MAGI2: variants seen among roughly 807,000 people sequenced by gnomAD.
The protein encoded by MAGI2 is membrane-associated guanylate kinase, WW and PDZ domain-containing protein 2.
MAGI2 carries 35 observed loss-of-function variants against 133.3 expected under a neutral mutation model. The ratio of observed to expected loss-of-function variants is 0.26; its 90% CI spans 0.20 to 0.35. The LOEUF (loss-of-function observed/expected upper bound fraction) is 0.35. Among genes scored for constraint, MAGI2 ranks in the 10% least tolerant of loss-of-function variants. The pLI is 1.00. For synonymous variants in MAGI2, 729 were observed against 710.6 expected (o/e 1.03, Z -0.41); for missense variants, 1,636 against 1,863.4 (o/e 0.88, Z 2.25).
intron 16 of MAGI2, chr7:78,158,163 CCA>C (rs1271694941): frequency 5.9e-5 from 9 of 152,076 alleles, no homozygotes; most frequent in African/African-American, 2.2e-4. Context: ...CTAGAAACTC[CCA>C]CAGTTTATAA....
chr7:79,434,052 A>G (rs920403945), intron 1 of MAGI2, among the ~76,000 whole-genome samples: 15 of 152,088 alleles, frequency 9.9e-5, no homozygotes, highest in Non-Finnish European at 2.1e-4. Context: ...TTAGTTCTCA[A>G]ATAGAACAAT....
At chr7:78,320,368 C>T (rs1485222311) in intron 9 of MAGI2, among the ~76,000 whole-genome samples, 4 of 152,134 alleles carry the variant, frequency 2.6e-5, no homozygotes, top group Non-Finnish European at 5.9e-5. Flanking sequence ...CTGCAAAAGT[C>T]CTCAATAAAA....
At chr7:79,044,995 A>C (rs764205107) in intron 1 of MAGI2, among the ~76,000 whole-genome samples, 1 of 152,240 alleles carries the variant, frequency 6.6e-6, no homozygotes, top group Non-Finnish European at 1.5e-5. Context: ...TGTTCTTAGC[A>C]ACCTAATTCA....
chr7:78,503,061 A>C (rs1162897290), intron 4 of MAGI2, among the ~76,000 whole-genome samples: 1 of 152,192 alleles, frequency 6.6e-6, no homozygotes, highest in East Asian at 1.9e-4. Flanking sequence ...ACTTACAAAG[A>C]AAAGAGGAAC....
intron 10 of MAGI2, among the ~76,000 whole-genome samples, chr7:78,235,391 C>T (rs1248441880): frequency 6.6e-6 from 1 of 152,148 alleles, no homozygotes; most frequent in African/African-American, 2.4e-5. Context: ...TGTGGTTTGG[C>T]TGTGTCCCCA....
intron 6 of MAGI2, among the ~76,000 whole-genome samples, chr7:78,429,742 A>C (rs1799616067): frequency 6.6e-6 from 1 of 151,984 alleles, no homozygotes; most frequent in South Asian, 2.1e-4. Flanking sequence ...AGAAAATATA[A>C]TTTTATTTAG....
rs1554442398 is a variant in MAGI2, at chr7:78,497,754, A to ATCTGTCTG, written c.965+3822_965+3823insCAGACAGA. On this transcript the variant is annotated intron_variant, in intron 5 of 21. Transcript: ENST00000354212. ...TATCTATCTATCTATCTATCTATCT[A>ATCTGTCTG]TCTATCTATCTTTCTATCTTATACA... 2.5e-4 allele frequency among the ~76,000 whole-genome samples: 26 copies of ATCTGTCTG among 104,494 alleles called. 1 individual carries two copies. The highest frequency in any genetic ancestry group is 6.1e-4 in the African/African-American group (17 of 27,668). 68.6% of individuals were successfully genotyped at this position (104,494 alleles called of 152,430 possible). A position where few individuals can be genotyped will look rare whatever the true frequency, so the allele number is the denominator to read the frequency against.
intron 1 of MAGI2, among the ~76,000 whole-genome samples, chr7:79,396,765 C>T (rs11983573): frequency 0.19 from 28,215 of 151,868 alleles, 2,972 homozygotes; most frequent in African/African-American, 0.29. Flanking sequence ...ACTTTAGAGC[C>T]TAATACGTAT....
At chr7:78,306,778 C>A (rs1325906307) in intron 9 of MAGI2, among the ~76,000 whole-genome samples, 1 of 152,148 alleles carries the variant, frequency 6.6e-6, no homozygotes, top group Non-Finnish European at 1.5e-5. Context: ...AATTAATTAA[C>A]ATCTGAGTCC....
chr7:78,205,704 G>A (rs965549392), intron 10 of MAGI2, among the ~76,000 whole-genome samples: 3 of 151,904 alleles, frequency 2.0e-5, no homozygotes, highest in African/African-American at 4.8e-5. Context: ...ATCCTATATA[G>A]AGAACAATTT....
chr7:79,000,893 C>A (rs1806790056), intron 2 of MAGI2, among the ~76,000 whole-genome samples: 1 of 152,170 alleles, frequency 6.6e-6, no homozygotes, highest in Admixed American at 6.5e-5. Flanking sequence ...AAACTAATTT[C>A]TTTCATATCC....
chr7:78,484,956 G>A (rs141327440), intron 6 of MAGI2: 2 of 151,916 alleles, frequency 1.3e-5, no homozygotes, highest in East Asian at 3.9e-4. Flanking sequence ...TTCTTCTCCT[G>A]TACATTATAG....
At chr7:79,358,602 T>A (rs942571198) in intron 1 of MAGI2, among the ~76,000 whole-genome samples, 6 of 152,186 alleles carry the variant, frequency 3.9e-5, no homozygotes, top group African/African-American at 1.2e-4. Flanking sequence ...GCTTTCCCTA[T>A]GATCTGAGGA....
rs945313894 is a variant in MAGI2 at position 78,233,288 on chromosome 7, A to G, written c.2047+22655T>C. Among the ~76,000 whole-genome samples, 4 of 152,194 alleles carry G rather than the reference A, an allele frequency of 2.6e-5. No individual in the cohort carries two copies. The South Asian group carries it at 8.3e-4, about 31-fold the overall frequency. ...GAGGAGTAGACAAAGAATTCATTAA[A>G]GGAGTCTGAAAAGAAGCAGAGAACC... On this transcript the variant is annotated intron_variant, in intron 10 of 21. Coordinates refer to ENST00000354212, the MANE Select transcript of MAGI2 (RefSeq NM_012301.4).
intron 12 of MAGI2, among the ~76,000 whole-genome samples, chr7:78,193,563 A>AT (rs1281269170): frequency 4.0e-5 from 6 of 151,804 alleles, no homozygotes; most frequent in South Asian, 2.1e-4. Context: ...AATCTTTTCA[A>AT]TTTTTTTTCA....
intron 6 of MAGI2, among the ~76,000 whole-genome samples, chr7:78,467,566 A>G (rs529223565): frequency 7.9e-5 from 12 of 151,962 alleles, no homozygotes; most frequent in African/African-American, 2.2e-4. Flanking sequence ...TTATTGGCAG[A>G]GTGATATACT....
chr7:79,010,717 A>C (rs1019577886), intron 1 of MAGI2, among the ~76,000 whole-genome samples: 1 of 152,128 alleles, frequency 6.6e-6, no homozygotes, highest in African/African-American at 2.4e-5. Flanking sequence ...CCTTCAAAAA[A>C]ATCAGTGGCT....
At chr7:78,518,633 A>T (rs1447918452) in intron 4 of MAGI2, 1 of 152,332 alleles carries the variant, frequency 6.6e-6, no homozygotes, top group Non-Finnish European at 1.5e-5. Flanking sequence ...CTCATTGATT[A>T]TAATATTTAT....
At chr7:78,904,856 G>A (rs1797885391) in intron 2 of MAGI2, among the ~76,000 whole-genome samples, 1 of 152,158 alleles carries the variant, frequency 6.6e-6, no homozygotes, top group South Asian at 2.1e-4. Context: ...AGTTTTAGGA[G>A]AAAGAATGAA....
Sources: gnomAD v4.1 joint callset for allele counts (sites outside exome capture counted in the v4.1 genomes callset) on GRCh38, gnomAD v4.1.1 for gene constraint, MANE v1.5 for transcripts, NCBI Gene and HGNC (gene_info 2026-07-23, HGNC 2026-07-21) for gene names.